The following MPDU1 variants were observed in gnomAD, a reference collection of about 807,000 sequenced individuals.
MPDU1 encodes the protein mannose-P-dolichol utilization defect 1 protein.
Under a neutral mutation model 27.6 loss-of-function variants are expected in MPDU1, and 18 were observed. The ratio of observed to expected loss-of-function variants is 0.65; its 90% CI spans 0.45 to 0.97. The LOEUF (loss-of-function observed/expected upper bound fraction) is 0.97, where lower values mean the gene tolerates loss of function less well. Among genes scored for constraint, MPDU1 ranks in the 50% least tolerant of loss-of-function variants. MPDU1 has a pLI of 0.00. For synonymous variants in MPDU1, 142 were observed against 131.1 expected (o/e 1.08, Z -0.57); for missense variants, 279 against 297.4 (o/e 0.94, Z 0.46).
At chr17:7,587,067 G>GGGGGGGA in intron 5 of MPDU1, 50 bp downstream of exon 5, 1 of 1,041,360 alleles carries the variant, frequency 9.6e-7, no homozygotes, top group Non-Finnish European at 1.4e-6. Flanking sequence ...GGGTGGGGGG[G>GGGGGGGA]AAGAGTAGAA....
chr17:7,584,819 C>T (rs2071554088), intron 1 of MPDU1, among the ~76,000 whole-genome samples: 1 of 152,066 alleles, frequency 6.6e-6, no homozygotes, highest in African/African-American at 2.4e-5. Context: ...GGGCGAAACC[C>T]CGCCTCTACT....
intron 1 of MPDU1, 123 bp from the exon 2 acceptor site, chr17:7,585,609 C>A (rs2071568962): frequency 2.3e-6 from 2 of 880,856 alleles, no homozygotes; most frequent in Non-Finnish European, 3.8e-6. Context: ...CGCCTCTCCT[C>A]CCCCCAAGAC....
At position 7,587,193 on chromosome 17, in the gene MPDU1, GCACA is replaced by G. The variant is rs1323657509; in HGVS notation, c.543_546del (p.His181GlnfsTer31). 2 of 1,613,930 alleles carry G rather than the reference GCACA, an allele frequency of 1.2e-6. No homozygotes were observed. The highest frequency in any genetic ancestry group is 2.2e-5 in the South Asian group (2 of 91,080). On this transcript the variant is annotated frameshift_variant, in exon 6 of 7. Transcript: ENST00000250124. LOFTEE classifies it high-confidence loss of function. ...AGGCAGCCACCAACTACCACAACGGGCACACAGGCCAGCTCTCAGCCATCACAGT... is the reference window on the plus strand; with the variant it reads ...AGGCAGCCACCAACTACCACAACGGGCAGGCCAGCTCTCAGCCATCACAGT...
intron 3 of MPDU1, chr17:7,586,470 A>G (rs1270599259): frequency 6.5e-6 from 4 of 615,360 alleles, no homozygotes; most frequent in Non-Finnish European, 1.2e-5. Context: ...AGGGGCTAGG[A>G]AAGTTTTAAG....
chr17:7,584,002 G>C, intron 1 of MPDU1, 37 bp downstream of exon 1: 1 of 1,589,954 alleles, frequency 6.3e-7, no homozygotes, highest in East Asian at 2.2e-5. Context: ...AGTCCTACTC[G>C]AGTGACCGTG....
At chr17:7,584,233 C>T (rs990188668) in intron 1 of MPDU1, 12 of 597,266 alleles carry the variant, frequency 2.0e-5, no homozygotes, top group South Asian at 6.1e-5. Flanking sequence ...TTTTATAAAA[C>T]AAAATAAAAA....
rs757428529 is a variant in MPDU1 at position 7,587,667 on chromosome 17, C to T, written c.*116C>T. ...TCCTCCATTCCTCTGCACTTGCAGA[C>T]TTTCTGAGCCAGGGTTTTCTTTTAG... On this transcript the variant is annotated 3_prime_UTR_variant, in exon 7 of 7. Transcript: ENST00000250124. 8 of 1,414,320 alleles carry T rather than the reference C, an allele frequency of 5.7e-6. No individual in the cohort carries two copies. Among genetic ancestry groups the T allele is most frequent in the South Asian group, 1.2e-5 (1 of 85,382 alleles). 87.6% of individuals were successfully genotyped at this position (1,414,320 alleles called of 1,614,324 possible). A position where few individuals can be genotyped will look rare whatever the true frequency, so the allele number is the denominator to read the frequency against.
rs978906727 is a variant in MPDU1, at chr17:7,587,336, C to T, written c.618+65C>T. On this transcript the variant is annotated intron_variant, in intron 6 of 6. Transcript: ENST00000250124. ...CGTCTTACTTCTCCCAGCTAAGGGC[C>T]AAAGCTGCCCCGTGAGGAACCTTTG... 4 of 1,612,904 alleles carry T rather than the reference C, an allele frequency of 2.5e-6. No individual in the cohort carries two copies. The African/African-American group carries it at 4.0e-5, about 16-fold the overall frequency.
At chr17:7,586,121 T>C in intron 3 of MPDU1, 43 bp downstream of exon 3, 3 of 1,610,270 alleles carry the variant, frequency 1.9e-6, no homozygotes, top group Non-Finnish European at 2.5e-6. Context: ...TACCCACAAC[T>C]CTAATGGGGA....
In MPDU1 at chr17:7,587,239, G is replaced by C; in HGVS notation, c.586G>C (p.Gly196Arg). 1 of 1,614,062 alleles carries C rather than the reference G, an allele frequency of 6.2e-7. No homozygotes were observed. Among genetic ancestry groups the C allele is most frequent in the African/African-American group, 1.3e-5 (1 of 74,998 alleles). ...SAITVFLLFG[G>R]SLARIFTSIQ... The stretch of plus-strand genomic sequence containing the variant: ...CATCACAGTCTTCCTGCTGTTTGGG[G>C]GCTCCCTGGCCCGAATCTTCACTTC... The change falls in exon 6 of 7, where the codon GGC becomes CGC. Residue 196 changes from glycine to arginine, a missense_variant. Gly to Arg is a moderately radical substitution (Grantham distance 125, BLOSUM62 -2). Transcript: ENST00000250124.
Position 7,587,022 on chromosome 17 carries a change from G to T in MPDU1, c.507+5G>T, listed in dbSNP as rs2150935980. ...CCTGCTGTGGTGGTGGGGAGGGTGG[G>T]TACCAGGAGCAAGGGACAAGATGTT... On this transcript the variant is annotated splice_donor_5th_base_variant and intron_variant, in intron 5 of 6. Coordinates refer to ENST00000250124, the MANE Select transcript of MPDU1 (RefSeq NM_004870.4). The T allele has an allele frequency of 6.7e-7, 1 of 1,499,510 alleles. No homozygotes were observed. 92.9% of individuals were successfully genotyped at this position (1,499,510 alleles called of 1,614,324 possible). A position where few individuals can be genotyped will look rare whatever the true frequency, so the allele number is the denominator to read the frequency against.
In MPDU1 at chr17:7,588,132, G is replaced by C. The variant is rs182362947; in HGVS notation, c.*581G>C. ...GGGAGTGGAGATGGGGCTGGTTCCT[G>C]CTGCAGTGAGGGGAACAGATGGGAC... On this transcript the variant is annotated 3_prime_UTR_variant, in exon 7 of 7. Transcript: ENST00000250124. The C allele has an allele frequency of 1.5e-6, 1 of 647,834 alleles. No homozygotes were observed. The highest frequency in any genetic ancestry group is 2.1e-5 in the Admixed American group (1 of 48,118). The allele number at this position is 647,834 out of a possible 1,614,324, so 40.1% of individuals were successfully genotyped here.
intron 1 of MPDU1, among the ~76,000 whole-genome samples, chr17:7,585,292 T>A (rs1195091975): frequency 6.6e-6 from 1 of 151,750 alleles, no homozygotes; most frequent in African/African-American, 2.4e-5. Context: ...TCCCAGCACT[T>A]TAAGGAGGCT....
chr17:7,586,179 C>T, intron 3 of MPDU1, 101 bp downstream of exon 3: 1 of 1,448,582 alleles, frequency 6.9e-7, no homozygotes, highest in Non-Finnish European at 9.5e-7. Flanking sequence ...GGCCCAGTGG[C>T]TTGCACCTGT....
At position 7,587,470 on chromosome 17, in the gene MPDU1, T is replaced by C. The variant is rs372219236; in HGVS notation, c.663T>C (p.Ser221=). The C allele has an allele frequency of 6.2e-7, 1 of 1,613,698 alleles. No homozygotes were observed. The highest frequency in any genetic ancestry group is 8.5e-7 in the Non-Finnish European group (1 of 1,179,996). ...TGGCTGGGACCTTTGTGGTCTCCTC[T>C]CTCTGCAACGGCCTCATCGCCGCCC... The part of the protein sequence containing the change: ...PLMAGTFVVS[S]LCNGLIAAQL... Residue 221 remains serine (S), a synonymous_variant, in exon 7 of 7, where the codon TCT becomes TCC. Transcript: ENST00000250124.
At chr17:7,584,344 G>C (rs2071545566) in intron 1 of MPDU1, 2 of 470,240 alleles carry the variant, frequency 4.3e-6, no homozygotes, top group Admixed American at 3.9e-5. Context: ...CAAAGGCTCC[G>C]CCACCCTGAT....
chr17:7,587,646 C>A lies in MPDU1; in HGVS notation c.*95C>A. 2 of 1,545,672 alleles carry A rather than the reference C, an allele frequency of 1.3e-6. No homozygotes were observed. The highest frequency in any genetic ancestry group is 8.9e-7 in the Non-Finnish European group (1 of 1,121,088). On this transcript the variant is annotated 3_prime_UTR_variant, in exon 7 of 7. Transcript: ENST00000250124. Reference sequence around the variant, plus strand: ...CCTGCTGGTGTGACTTACTCATCCTCCATTCCTCTGCACTTGCAGACTTTC... The same window carrying A: ...CCTGCTGGTGTGACTTACTCATCCTACATTCCTCTGCACTTGCAGACTTTC...
At position 7,585,769 on chromosome 17, in the gene MPDU1, G is replaced by A. The variant is rs2071572610; in HGVS notation, c.141G>A (p.Gly47=). ...AGATTCTCCTCAGCAAAGGCCTGGG[G>A]CTGGGCATTGTGGCTGGCTCACTTC... ...CLKILLSKGL[G]LGIVAGSLLV... The change falls in exon 2 of 7, where the codon GGG becomes GGA. Residue 47 remains glycine, a synonymous_variant. Coordinates refer to ENST00000250124, the MANE Select transcript of MPDU1 (RefSeq NM_004870.4). The A allele has an allele frequency of 1.9e-6, 3 of 1,614,018 alleles. No individual in the cohort carries two copies. Among genetic ancestry groups the A allele is most frequent in the African/African-American group, 2.7e-5 (2 of 74,870 alleles).
chr17:7,586,981 C>G lies in MPDU1; in HGVS notation c.471C>G (p.Leu157=), dbSNP rs2071594330. The G allele has an allele frequency of 1.2e-6, 2 of 1,613,254 alleles. No homozygotes were observed. Among genetic ancestry groups the G allele is most frequent in the South Asian group, 1.1e-5 (1 of 91,006 alleles). The stretch of plus-strand genomic sequence containing the variant: ...CGCCCTTGACTGTAGTCACCCTGCT[C>G]CAGGCCTCCAATGTGCCTGCTGTGG... ...PLTPLTVVTL[L]QASNVPAVVV... Residue 157 remains leucine, a synonymous_variant, in exon 5 of 7, where the codon CTC becomes CTG. Transcript: ENST00000250124.
Sources: allele counts gnomAD v4.1 joint callset (sites outside exome capture counted in the v4.1 genomes callset), GRCh38; gene constraint gnomAD v4.1.1; transcripts MANE v1.5; gene names NCBI Gene and HGNC (gene_info 2026-07-23, HGNC 2026-07-21).